The following LRRN3 variants were observed in gnomAD, a reference collection of about 807,000 sequenced individuals.
LRRN3 encodes the protein leucine rich repeat neuronal 3.
LRRN3 carries 15 observed loss-of-function variants against 40.1 expected under a neutral mutation model. The observed-to-expected ratio is 0.37, with a 90% CI of 0.25 to 0.58. The LOEUF (loss-of-function observed/expected upper bound fraction) is 0.58, where lower values mean the gene tolerates loss of function less well. Ranked by LOEUF, LRRN3 falls within the 20% of genes least tolerant of loss-of-function variation. The probability of loss-of-function intolerance (pLI) is 0.72; values close to 1 mark genes in which losing one functional copy is unlikely to be tolerated. For synonymous variants in LRRN3, 308 were observed against 297.2 expected (o/e 1.04, Z -0.37); for missense variants, 746 against 837.7 (o/e 0.89, Z 1.35).
chr7:111,105,522 C>T (rs1798445473), intron 2 of LRRN3, among the ~76,000 whole-genome samples: 1 of 151,848 alleles, frequency 6.6e-6, no homozygotes, highest in Admixed American at 6.6e-5. Context: ...CCTTATTCTG[C>T]AAATCACAAA....
chr7:111,116,700 T>C (rs968311032), intron 2 of LRRN3, among the ~76,000 whole-genome samples: 2 of 152,150 alleles, frequency 1.3e-5, no homozygotes, highest in African/African-American at 2.4e-5. Context: ...AGTTTTTATT[T>C]TATTCCTTCC....
intron 2 of LRRN3, among the ~76,000 whole-genome samples, chr7:111,104,181 G>C (rs1798285453): frequency 6.6e-6 from 1 of 151,580 alleles, no homozygotes; most frequent in Non-Finnish European, 1.5e-5. Flanking sequence ...GCACATACCT[G>C]CCTTTACTAT....
rs374349913 is a variant in LRRN3 at position 111,122,856 on chromosome 7, T to A, written c.84T>A (p.Asp28Glu). 1 of 1,613,856 alleles carries A rather than the reference T, an allele frequency of 6.2e-7. No homozygotes were observed. The highest frequency in any genetic ancestry group is 1.3e-5 in the African/African-American group (1 of 74,896). Residue 28 changes from aspartate (D) to glutamate (E), a missense_variant, in exon 3 of 3, where the codon GAT becomes GAA. Asp to Glu is a conservative substitution (Grantham distance 45). Transcript: ENST00000308478. ...TLVQAVDKKV[D>E]CPRLCTCEIR... ...TACAAGCTGTAGATAAAAAAGTGGA[T>A]TGTCCACGGTTATGTACGTGTGAAA...
intron 1 of LRRN3, among the ~76,000 whole-genome samples, chr7:111,094,244 T>TA (rs1797171519): frequency 6.6e-6 from 1 of 152,136 alleles, no homozygotes. Flanking sequence ...AGTTTCGTTT[T>TA]AAAAAAACAC....
At chr7:111,114,426 T>C (rs984369573) in intron 2 of LRRN3, among the ~76,000 whole-genome samples, 9 of 152,060 alleles carry the variant, frequency 5.9e-5, no homozygotes, top group East Asian at 3.9e-4. Flanking sequence ...TCCAAGTACA[T>C]TGTATTAAGT....
At chr7:111,102,738 A>G (rs559058268) in intron 2 of LRRN3, among the ~76,000 whole-genome samples, 1 of 151,684 alleles carries the variant, frequency 6.6e-6, no homozygotes, top group Non-Finnish European at 1.5e-5. Context: ...ATTCTATTAG[A>G]AACTTCCACT....
chr7:111,120,316 T>C (rs1449293558), intron 2 of LRRN3, among the ~76,000 whole-genome samples: 1 of 152,072 alleles, frequency 6.6e-6, no homozygotes, highest in African/African-American at 2.4e-5. Context: ...GGCCTCACAA[T>C]CATGGCAGAT....
chr7:111,101,615 G>C (rs984642569), intron 2 of LRRN3, among the ~76,000 whole-genome samples: 1 of 151,226 alleles, frequency 6.6e-6, no homozygotes, highest in East Asian at 1.9e-4. Flanking sequence ...AGGTACAATA[G>C]GTATACTGTC....
chr7:111,111,489 T>C (rs563889148), intron 2 of LRRN3, among the ~76,000 whole-genome samples: 49 of 151,282 alleles, frequency 3.2e-4, no homozygotes, highest in Admixed American at 1.1e-3. Context: ...TAAGGCAAAA[T>C]GTATTTCATT....
At chr7:111,106,990 C>T (rs1798619804) in intron 2 of LRRN3, among the ~76,000 whole-genome samples, 1 of 151,690 alleles carries the variant, frequency 6.6e-6, no homozygotes, top group Admixed American at 6.6e-5. Flanking sequence ...TATTAAAATG[C>T]AAAAACAATT....
intron 2 of LRRN3, among the ~76,000 whole-genome samples, chr7:111,117,888 A>T (rs1800082748): frequency 6.6e-6 from 1 of 152,126 alleles, no homozygotes; most frequent in African/African-American, 2.4e-5. Context: ...TAGTCTTTAT[A>T]ATACACATAA....
chr7:111,098,943 A>G (rs1203991836), intron 1 of LRRN3, among the ~76,000 whole-genome samples: 4 of 151,768 alleles, frequency 2.6e-5, no homozygotes, highest in Non-Finnish European at 2.9e-5. Context: ...CATATCATGC[A>G]TTCTGCTCAT....
intron 2 of LRRN3, among the ~76,000 whole-genome samples, chr7:111,122,013 G>A (rs969660411): frequency 2.0e-5 from 3 of 150,436 alleles, no homozygotes; most frequent in Non-Finnish European, 4.4e-5. Context: ...CTCACTCATA[G>A]TTGGGAACTG....
chr7:111,112,255 C>T (rs1156842082), intron 2 of LRRN3, among the ~76,000 whole-genome samples: 1 of 152,106 alleles, frequency 6.6e-6, no homozygotes, highest in East Asian at 1.9e-4. Context: ...TGAGCCACCA[C>T]TCCTGGCCCT....
At chr7:111,110,382 G>C (rs1292118508) in intron 2 of LRRN3, among the ~76,000 whole-genome samples, 1 of 151,966 alleles carries the variant, frequency 6.6e-6, no homozygotes, top group Non-Finnish European at 1.5e-5. Context: ...CATATATTTA[G>C]AATAGCTTTT....
Position 111,124,318 on chromosome 7 carries a change from T to A in LRRN3, c.1546T>A (p.Ser516Thr). Residue 516 changes from serine (S) to threonine (T), a missense_variant, in exon 3 of 3, where the codon TCT becomes ACT. Ser to Thr is a moderately conservative substitution (Grantham distance 58). Coordinates refer to ENST00000308478, the MANE Select transcript of LRRN3 (RefSeq NM_001099658.2). ...LKSVMIKVDG[S>T]FPQDNNGSLN... The stretch of plus-strand genomic sequence containing the variant: ...GTCTGTTATGATCAAAGTGGATGGA[T>A]CTTTTCCACAAGATAACAATGGCTC... 2 of 1,613,828 alleles carry A rather than the reference T, an allele frequency of 1.2e-6. No homozygotes were observed. The highest frequency in any genetic ancestry group is 1.7e-6 in the Non-Finnish European group (2 of 1,179,894).
At position 111,097,278 on chromosome 7, in the gene LRRN3, T is replaced by G. The variant is rs544304461; in HGVS notation, c.-440-2603T>G. On this transcript the variant is annotated intron_variant, in intron 1 of 2. Coordinates refer to ENST00000308478, the MANE Select transcript of LRRN3 (RefSeq NM_001099658.2). ...ACAGCAGAATGTGTTCTCCAGGGAT[T>G]AAGCCCCCTAACGTGAAGCTTGGGA... The G allele has an allele frequency of 2.0e-5, 3 of 152,014 alleles. No homozygotes were observed. The East Asian group carries it at 5.8e-4, about 29-fold the overall frequency. The allele number at this position is 152,014 out of a possible 1,614,324, so 9.4% of individuals were successfully genotyped here.
chr7:111,119,189 T>C (rs1563263274), intron 2 of LRRN3, among the ~76,000 whole-genome samples: 1 of 152,186 alleles, frequency 6.6e-6, no homozygotes, highest in Non-Finnish European at 1.5e-5. Context: ...AGCTAAGTGA[T>C]TTATGGAAAC....
chr7:111,114,180 A>G (rs937108615), intron 2 of LRRN3, among the ~76,000 whole-genome samples: 9 of 151,978 alleles, frequency 5.9e-5, no homozygotes, highest in African/African-American at 1.9e-4. Context: ...CAGGAAAACA[A>G]TGATTTCTCT....
Sources: gnomAD v4.1 joint callset for allele counts (sites outside exome capture counted in the v4.1 genomes callset) on GRCh38, gnomAD v4.1.1 for gene constraint, MANE v1.5 for transcripts, NCBI Gene and HGNC (gene_info 2026-07-23, HGNC 2026-07-21) for gene names.